PTPRK: variants seen among roughly 807,000 people sequenced by gnomAD.
PTPRK encodes receptor-type tyrosine-protein phosphatase kappa.
Under a neutral mutation model 178.0 loss-of-function variants are expected in PTPRK, and 75 were observed. That is an observed-to-expected ratio of 0.42 (90% CI 0.35 to 0.51). PTPRK has a LOEUF of 0.51. Ranked by LOEUF, PTPRK falls within the 20% of genes least tolerant of loss-of-function variation. The probability of loss-of-function intolerance (pLI) is 0.02; values close to 1 mark genes in which losing one functional copy is unlikely to be tolerated. For synonymous variants in PTPRK, 637 were observed against 620.6 expected (o/e 1.03, Z -0.39); for missense variants, 1,441 against 1,797.8 (o/e 0.80, Z 3.59).
At chr6:128,232,864 A>T (rs906392959) in intron 5 of PTPRK, among the ~76,000 whole-genome samples, 8 of 152,222 alleles carry the variant, frequency 5.3e-5, no homozygotes, top group Non-Finnish European at 1.0e-4. Flanking sequence ...CCACGTCCAG[A>T]CATTAGAGCA....
At chr6:128,287,412 T>G (rs549746431) in intron 3 of PTPRK, among the ~76,000 whole-genome samples, 1 of 152,216 alleles carries the variant, frequency 6.6e-6, no homozygotes, top group South Asian at 2.1e-4. Flanking sequence ...CACATTTTCA[T>G]GAGCAAATCT....
intron 5 of PTPRK, among the ~76,000 whole-genome samples, chr6:128,236,643 G>A (rs922701765): frequency 9.2e-5 from 14 of 151,976 alleles, no homozygotes; most frequent in Admixed American, 5.9e-4. Flanking sequence ...CACTGCGCCC[G>A]ACCCTAAATT....
intron 1 of PTPRK, among the ~76,000 whole-genome samples, chr6:128,466,608 T>G (rs944457587): frequency 3.9e-5 from 6 of 152,130 alleles, no homozygotes; most frequent in African/African-American, 2.4e-5. Context: ...TGGCCAGATA[T>G]TTAGACATTT....
At chr6:128,132,644 T>G (rs1208667166) in intron 7 of PTPRK, among the ~76,000 whole-genome samples, 1 of 152,232 alleles carries the variant, frequency 6.6e-6, no homozygotes, top group Non-Finnish European at 1.5e-5. Flanking sequence ...AAAACATAAG[T>G]GACATTAGTT....
chr6:128,027,348 G>A (rs942219229), intron 13 of PTPRK, among the ~76,000 whole-genome samples: 1 of 151,984 alleles, frequency 6.6e-6, no homozygotes, highest in Non-Finnish European at 1.5e-5. Flanking sequence ...GAAGAAATAC[G>A]TATATTGGGC....
intron 3 of PTPRK, among the ~76,000 whole-genome samples, chr6:128,311,970 A>G (rs1241194461): frequency 6.6e-6 from 1 of 152,192 alleles, no homozygotes; most frequent in Admixed American, 6.5e-5. Context: ...CGACACAGGA[A>G]CCTTCAGAAG....
intron 13 of PTPRK, among the ~76,000 whole-genome samples, chr6:128,053,529 T>C (rs1041847607): frequency 3.9e-5 from 6 of 152,114 alleles, no homozygotes; most frequent in Admixed American, 3.3e-4. Flanking sequence ...TTCACCACAC[T>C]TGGGCTCTGA....
intron 1 of PTPRK, among the ~76,000 whole-genome samples, chr6:128,475,754 G>C (rs756550489): frequency 6.6e-6 from 1 of 151,944 alleles, no homozygotes. Flanking sequence ...TGAAGCACAG[G>C]CTGGGCTGAA....
intron 21 of PTPRK, 100 bp from the exon 22 acceptor site, chr6:127,985,975 A>T: frequency 8.6e-7 from 1 of 1,168,068 alleles, no homozygotes; most frequent in South Asian, 1.9e-5. Flanking sequence ...GACAATGATA[A>T]CAATAAAACC....
intron 2 of PTPRK, among the ~76,000 whole-genome samples, chr6:128,373,072 A>G (rs953770142): frequency 1.3e-4 from 20 of 152,190 alleles, no homozygotes. Context: ...GTAAAAGCAC[A>G]AAGTCTATGT....
At chr6:128,381,250 C>G (rs1290507639) in intron 2 of PTPRK, among the ~76,000 whole-genome samples, 1 of 152,134 alleles carries the variant, frequency 6.6e-6, no homozygotes, top group African/African-American at 2.4e-5. Flanking sequence ...GGAATAACTA[C>G]ATAAAAACAG....
At chr6:127,977,162 T>TATTGCA in intron 25 of PTPRK, 108 bp from the exon 26 acceptor site, 1 of 1,108,874 alleles carries the variant, frequency 9.0e-7, no homozygotes, top group Non-Finnish European at 1.3e-6. Flanking sequence ...ATGCAATAGC[T>TATTGCA]TCATATGCAG....
intron 7 of PTPRK, among the ~76,000 whole-genome samples, chr6:128,090,673 T>C (rs1445489059): frequency 6.6e-6 from 1 of 152,156 alleles, no homozygotes; most frequent in African/African-American, 2.4e-5. Context: ...TCCATTCAAC[T>C]GGAAAATACT....
intron 1 of PTPRK, among the ~76,000 whole-genome samples, chr6:128,413,523 C>G (rs1842527932): frequency 6.6e-6 from 1 of 152,110 alleles, no homozygotes; most frequent in Admixed American, 6.6e-5. Flanking sequence ...ATTTTTCATA[C>G]TCTTCATCTT....
chr6:128,067,472 A>C, intron 12 of PTPRK, 47 bp downstream of exon 12: 1 of 1,447,472 alleles, frequency 6.9e-7, no homozygotes, highest in Non-Finnish European at 9.2e-7. Context: ...ATTTGACTTC[A>C]GCTTTTCTTC....
At chr6:128,259,646 G>A (rs985479258) in intron 3 of PTPRK, among the ~76,000 whole-genome samples, 1 of 152,098 alleles carries the variant, frequency 6.6e-6, no homozygotes, top group African/African-American at 2.4e-5. Flanking sequence ...TAAGTAACAC[G>A]AATAGAGAGA....
intron 3 of PTPRK, among the ~76,000 whole-genome samples, chr6:128,307,200 C>T (rs1256610988): frequency 1.3e-5 from 2 of 149,146 alleles, no homozygotes; most frequent in Non-Finnish European, 3.0e-5. Flanking sequence ...TACACACACA[C>T]ACACATAGAC....
chr6:128,212,052 T>C (rs1385774192), intron 6 of PTPRK, among the ~76,000 whole-genome samples: 2 of 152,054 alleles, frequency 1.3e-5, no homozygotes, highest in Non-Finnish European at 2.9e-5. Context: ...AATGAAATAG[T>C]TGCTATTTCA....
At chr6:128,107,966 A>G (rs1043042889) in intron 7 of PTPRK, among the ~76,000 whole-genome samples, 3 of 152,010 alleles carry the variant, frequency 2.0e-5, no homozygotes, top group Non-Finnish European at 4.4e-5. Flanking sequence ...CCATCTCATC[A>G]TTGCAATTTG....
Sources: gnomAD v4.1 joint callset for allele counts (sites outside exome capture counted in the v4.1 genomes callset) on GRCh38, gnomAD v4.1.1 for gene constraint, MANE v1.5 for transcripts, NCBI Gene and HGNC (gene_info 2026-07-23, HGNC 2026-07-21) for gene names.